Variants in GRID1 observed in about 807,000 individuals in gnomAD.
GRID1 encodes the protein glutamate receptor ionotropic, delta-1.
In GRID1, 28 loss-of-function variants were observed where a neutral mutation model predicts 98.0. The ratio of observed to expected loss-of-function variants is 0.29; its 90% CI spans 0.21 to 0.39. The LOEUF (loss-of-function observed/expected upper bound fraction) is 0.39, where lower values mean the gene tolerates loss of function less well. GRID1 is among the 10% of genes least tolerant of loss of function. The pLI, the probability that GRID1 is intolerant of heterozygous loss-of-function variation, is 1.00. For synonymous variants in GRID1, 553 were observed against 538.5 expected (o/e 1.03, Z -0.37); for missense variants, 1,111 against 1,340.5 (o/e 0.83, Z 2.67).
At chr10:86,025,739 A>G (rs1442457101) in intron 4 of GRID1, among the ~76,000 whole-genome samples, 4 of 152,250 alleles carry the variant, frequency 2.6e-5, no homozygotes, top group Non-Finnish European at 4.4e-5. Flanking sequence ...AGCGGATATC[A>G]TGCAGCTCAG....
chr10:85,785,917 GAC>G (rs1202886217), intron 8 of GRID1, among the ~76,000 whole-genome samples: 1 of 150,662 alleles, frequency 6.6e-6, no homozygotes, highest in Non-Finnish European at 1.5e-5. Context: ...ACACCCCACA[GAC>G]ACACACACAT....
intron 4 of GRID1, among the ~76,000 whole-genome samples, chr10:86,001,214 G>A (rs1372248264): frequency 6.6e-6 from 1 of 152,048 alleles, no homozygotes. Context: ...CACTGTAAAG[G>A]GATAATATAA....
intron 2 of GRID1, among the ~76,000 whole-genome samples, chr10:86,305,399 G>A (rs7918205): frequency 0.063 from 9,521 of 152,296 alleles, 537 homozygotes; most frequent in African/African-American, 0.15. Flanking sequence ...CTGATGGGAA[G>A]TGACATGGCT....
At chr10:85,936,560 C>T (rs368132432) in intron 4 of GRID1, among the ~76,000 whole-genome samples, 52 of 152,124 alleles carry the variant, frequency 3.4e-4, no homozygotes, top group African/African-American at 1.2e-3. Flanking sequence ...AGCCTCACTC[C>T]CAATGGACTG....
chr10:86,109,624 G>A (rs1432403539), intron 4 of GRID1, among the ~76,000 whole-genome samples: 4 of 152,340 alleles, frequency 2.6e-5, no homozygotes, highest in Non-Finnish European at 2.9e-5. Flanking sequence ...TAGTCAGGTC[G>A]CAGAAGGCCT....
intron 3 of GRID1, among the ~76,000 whole-genome samples, chr10:86,197,823 A>T (rs1845897798): frequency 6.6e-6 from 1 of 152,114 alleles, no homozygotes; most frequent in Non-Finnish European, 1.5e-5. Context: ...CACTGCAATT[A>T]ACACACCCCA....
chr10:85,849,725 A>G (rs1843040127), intron 8 of GRID1, among the ~76,000 whole-genome samples: 1 of 152,092 alleles, frequency 6.6e-6, no homozygotes, highest in South Asian at 2.1e-4. Flanking sequence ...TGCTGGTGCT[A>G]TGCATCTCCC....
At chr10:86,093,305 C>A (rs141796715) in intron 4 of GRID1, among the ~76,000 whole-genome samples, 4,501 of 151,330 alleles carry the variant, frequency 0.03, 97 homozygotes, top group Non-Finnish European at 0.046. Flanking sequence ...AATCTAAGGT[C>A]ACACCTCAAG....
At chr10:86,007,989 G>A (rs1246587913) in intron 4 of GRID1, among the ~76,000 whole-genome samples, 2 of 152,034 alleles carry the variant, frequency 1.3e-5, no homozygotes, top group African/African-American at 2.4e-5. Flanking sequence ...AATTCTGTAT[G>A]GCACTCACTG....
At chr10:86,264,617 A>T (rs974089945) in intron 2 of GRID1, 5 of 458,440 alleles carry the variant, frequency 1.1e-5, no homozygotes, top group Non-Finnish European at 2.2e-5. Context: ...CTGATGCCCC[A>T]CGCTGACTGT....
At chr10:85,989,106 G>T (rs1488068092) in intron 4 of GRID1, among the ~76,000 whole-genome samples, 30 of 152,208 alleles carry the variant, frequency 2.0e-4, no homozygotes, top group Non-Finnish European at 3.7e-4. Flanking sequence ...AGGGACTATC[G>T]AGAGTTGCCT....
chr10:86,177,261 C>A (rs1004178729), intron 3 of GRID1, among the ~76,000 whole-genome samples: 2 of 152,182 alleles, frequency 1.3e-5, no homozygotes, highest in Non-Finnish European at 2.9e-5. Flanking sequence ...AGACCAATTA[C>A]AGTGCATTGT....
intron 8 of GRID1, among the ~76,000 whole-genome samples, chr10:85,828,590 A>G (rs774225103): frequency 6.6e-6 from 1 of 152,142 alleles, no homozygotes; most frequent in African/African-American, 2.4e-5. Flanking sequence ...AAATAAACAC[A>G]GTCAGAAATG....
At chr10:85,948,008 G>A (rs1343312304) in intron 4 of GRID1, among the ~76,000 whole-genome samples, 2 of 152,184 alleles carry the variant, frequency 1.3e-5, no homozygotes, top group Non-Finnish European at 2.9e-5. Flanking sequence ...TACCATAGGA[G>A]AAAAAGAAGT....
At chr10:86,245,109 C>G (rs1846702332) in intron 2 of GRID1, among the ~76,000 whole-genome samples, 1 of 152,266 alleles carries the variant, frequency 6.6e-6, no homozygotes, top group Admixed American at 6.5e-5. Flanking sequence ...CACTAAGAAC[C>G]TGGCCTGGTA....
At chr10:85,992,182 AAGG>A (rs1842688499) in intron 4 of GRID1, among the ~76,000 whole-genome samples, 1 of 152,032 alleles carries the variant, frequency 6.6e-6, no homozygotes, top group African/African-American at 2.4e-5. Flanking sequence ...GAGGGGTTGA[AAGG>A]AGAAGACAAA....
At chr10:86,051,464 G>T (rs947685758) in intron 4 of GRID1, among the ~76,000 whole-genome samples, 1 of 150,500 alleles carries the variant, frequency 6.6e-6, no homozygotes, top group Non-Finnish European at 1.5e-5. Context: ...AAAGAAAAAG[G>T]AACCAATGAT....
chr10:85,623,539 G>T (rs1043635923), intron 13 of GRID1, among the ~76,000 whole-genome samples: 3 of 152,254 alleles, frequency 2.0e-5, no homozygotes, highest in Non-Finnish European at 4.4e-5. Flanking sequence ...ACTACGGGGG[G>T]CTGGGGGGAG....
At chr10:86,340,427 C>T (rs1277095021) in intron 2 of GRID1, among the ~76,000 whole-genome samples, 2 of 152,196 alleles carry the variant, frequency 1.3e-5, no homozygotes, top group African/African-American at 4.8e-5. Context: ...ACCGTCATGA[C>T]CTGCCACCCA....
Sources: allele counts gnomAD v4.1 joint callset (sites outside exome capture counted in the v4.1 genomes callset), GRCh38; gene constraint gnomAD v4.1.1; transcripts MANE v1.5; gene names NCBI Gene and HGNC (gene_info 2026-07-23, HGNC 2026-07-21).